ACOXL: variants seen among roughly 807,000 people sequenced by gnomAD.
ACOXL encodes the protein acyl-coenzyme A oxidase-like protein.
In ACOXL, 70 loss-of-function variants were observed where a neutral mutation model predicts 71.9. The ratio of observed to expected loss-of-function variants is 0.97; its 90% CI spans 0.80 to 1.19. The LOEUF (loss-of-function observed/expected upper bound fraction) is 1.19. Among genes scored for constraint, ACOXL ranks in the 50% most tolerant of loss-of-function variants. The pLI is 0.00. For missense variants in ACOXL, 703 were observed against 736.3 expected (o/e 0.95, Z 0.52); for synonymous variants, 253 against 281.6 (o/e 0.90, Z 1.02).
At chr2:110,876,740 A>C (rs994267914) in intron 10 of ACOXL, among the ~76,000 whole-genome samples, 4 of 152,194 alleles carry the variant, frequency 2.6e-5, no homozygotes, top group Non-Finnish European at 4.4e-5. Context: ...AAATGATTCT[A>C]AAAGTATTTT....
chr2:110,893,110 A>G (rs2058856903), intron 10 of ACOXL, among the ~76,000 whole-genome samples: 1 of 152,250 alleles, frequency 6.6e-6, no homozygotes, highest in South Asian at 2.1e-4. Context: ...AAAAAATCCC[A>G]AAGCAAAAGT....
chr2:110,813,984 G>A (rs912071908), intron 9 of ACOXL, among the ~76,000 whole-genome samples: 3 of 152,142 alleles, frequency 2.0e-5, no homozygotes, highest in Non-Finnish European at 2.9e-5. Context: ...ACTGGGGTCC[G>A]GCCGTTACCC....
At chr2:110,875,286 AG>A (rs1301916193) in intron 10 of ACOXL, among the ~76,000 whole-genome samples, 1 of 152,232 alleles carries the variant, frequency 6.6e-6, no homozygotes, top group Non-Finnish European at 1.5e-5. Flanking sequence ...AGGACCGTGG[AG>A]AGCATTATTT....
chr2:110,882,915 C>T (rs1696835023), intron 10 of ACOXL, among the ~76,000 whole-genome samples: 1 of 152,276 alleles, frequency 6.6e-6, no homozygotes, highest in Non-Finnish European at 1.5e-5. Context: ...AAGTTGTTTG[C>T]ATGTATTTCA....
chr2:111,006,388 A>T (rs1384109233), intron 14 of ACOXL, among the ~76,000 whole-genome samples: 6 of 152,342 alleles, frequency 3.9e-5, no homozygotes, highest in African/African-American at 1.4e-4. Flanking sequence ...TGGTTCAGGA[A>T]GGGATAGCTG....
At chr2:111,000,685 G>A (rs1426713159) in intron 14 of ACOXL, among the ~76,000 whole-genome samples, 1 of 152,176 alleles carries the variant, frequency 6.6e-6, no homozygotes, top group Non-Finnish European at 1.5e-5. Flanking sequence ...TTGGCTTGCA[G>A]CCGCATCTCT....
At chr2:110,829,002 G>A (rs1456397295) in intron 9 of ACOXL, among the ~76,000 whole-genome samples, 5 of 152,054 alleles carry the variant, frequency 3.3e-5, no homozygotes, top group Non-Finnish European at 5.9e-5. Context: ...GTAGAGATAG[G>A]GTTTCTCCAT....
At chr2:110,847,348 A>T (rs184958029) in intron 10 of ACOXL, among the ~76,000 whole-genome samples, 1 of 152,154 alleles carries the variant, frequency 6.6e-6, no homozygotes, top group Non-Finnish European at 1.5e-5. Flanking sequence ...TTTGGCTCTC[A>T]CTTGTCTGAT....
intron 14 of ACOXL, among the ~76,000 whole-genome samples, chr2:111,019,425 C>T (rs1165140861): frequency 8.5e-5 from 13 of 152,152 alleles, no homozygotes; most frequent in African/African-American, 1.7e-4. Context: ...TTTTCTATTC[C>T]GAAAGGCTCG....
chr2:111,090,135 G>A (rs1156272705), intron 16 of ACOXL, among the ~76,000 whole-genome samples: 2 of 152,172 alleles, frequency 1.3e-5, no homozygotes, highest in African/African-American at 2.4e-5. Flanking sequence ...ATAGCTATGA[G>A]TTATAGGAAA....
At chr2:110,821,956 A>AGT (rs892565817) in intron 9 of ACOXL, among the ~76,000 whole-genome samples, 4 of 150,220 alleles carry the variant, frequency 2.7e-5, no homozygotes, top group South Asian at 4.2e-4. Flanking sequence ...TGTGCATGTG[A>AGT]GTGTGTGTGT....
Position 111,049,234 on chromosome 2 carries a change from C to T in ACOXL, c.1386C>T (p.Phe462=), listed in dbSNP as rs2066164203. ...AHTHRVTLEQ[F]SLAVKSCPDQ... ...CCCTTCCAGTTACCTTAGAGCAGTT[C>T]TCCCTAGCAGTGAAGAGCTGTCCTG... is the stretch of plus-strand genomic sequence containing the variant. The change falls in exon 16 of 18, where the codon TTC becomes TTT. Residue 462 remains phenylalanine, a synonymous_variant. Coordinates refer to ENST00000439055, the MANE Select transcript of ACOXL (RefSeq NM_001142807.4). The T allele has an allele frequency of 1.2e-6, 2 of 1,612,158 alleles. No individual in the cohort carries two copies. The highest frequency in any genetic ancestry group is 1.7e-6 in the Non-Finnish European group (2 of 1,178,214).
intron 17 of ACOXL, among the ~76,000 whole-genome samples, chr2:111,104,687 AT>A (rs1207133047): frequency 2.6e-5 from 4 of 151,952 alleles, no homozygotes; most frequent in Admixed American, 6.6e-5. Context: ...TTGGATTGTT[AT>A]TTTTTTAAAC....
intron 11 of ACOXL, among the ~76,000 whole-genome samples, chr2:110,912,042 A>G (rs930624886): frequency 2.6e-5 from 4 of 152,092 alleles, no homozygotes; most frequent in African/African-American, 7.2e-5. Flanking sequence ...AATCAATTGT[A>G]TTTCTATAGA....
intron 1 of ACOXL, among the ~76,000 whole-genome samples, chr2:110,761,682 A>G (rs2104913448): frequency 6.6e-6 from 1 of 152,264 alleles, no homozygotes; most frequent in South Asian, 2.1e-4. Flanking sequence ...TTGCTTCCCC[A>G]CCTGCATTTG....
chr2:110,905,626 G>T (rs1241892271), intron 10 of ACOXL, among the ~76,000 whole-genome samples: 5 of 152,106 alleles, frequency 3.3e-5, no homozygotes, highest in Non-Finnish European at 5.9e-5. Flanking sequence ...ATGCAATGTG[G>T]CTAAAAACTC....
chr2:110,897,879 C>T (rs1233864733), intron 10 of ACOXL, among the ~76,000 whole-genome samples: 1 of 151,878 alleles, frequency 6.6e-6, no homozygotes, highest in Non-Finnish European at 1.5e-5. Context: ...AGAGACTACA[C>T]AAATTACTAA....
intron 12 of ACOXL, among the ~76,000 whole-genome samples, chr2:110,977,291 C>T (rs927418511): frequency 1.3e-5 from 2 of 151,514 alleles, no homozygotes; most frequent in African/African-American, 4.9e-5. Flanking sequence ...GAGGCTGAGG[C>T]AGGAGAATGG....
chr2:110,922,365 T>C (rs1289292870), intron 11 of ACOXL, among the ~76,000 whole-genome samples: 4 of 152,240 alleles, frequency 2.6e-5, no homozygotes, highest in Non-Finnish European at 5.9e-5. Flanking sequence ...AAATTTTTCA[T>C]ATGCATGCCA....
Sources: gnomAD v4.1 joint callset for allele counts (sites outside exome capture counted in the v4.1 genomes callset) on GRCh38, gnomAD v4.1.1 for gene constraint, MANE v1.5 for transcripts, NCBI Gene and HGNC (gene_info 2026-07-23, HGNC 2026-07-21) for gene names.